Variants in ANO3 observed in about 807,000 individuals in gnomAD.
The protein encoded by ANO3 is anoctamin 3.
ANO3 carries 99 observed loss-of-function variants against 144.8 expected under a neutral mutation model. That is an observed-to-expected ratio of 0.68 (90% CI 0.58 to 0.81). The LOEUF (loss-of-function observed/expected upper bound fraction) is 0.81. Among genes scored for constraint, ANO3 ranks in the 30% least tolerant of loss-of-function variants. The pLI, the probability that ANO3 is intolerant of heterozygous loss-of-function variation, is 0.00. For synonymous variants in ANO3, 414 were observed against 392.6 expected (o/e 1.05, Z -0.64); for missense variants, 905 against 1,202.2 (o/e 0.75, Z 3.66).
At chr11:26,219,856 A>C (rs1174572835) in intron 1 of ANO3, among the ~76,000 whole-genome samples, 2 of 152,184 alleles carry the variant, frequency 1.3e-5, no homozygotes, top group African/African-American at 4.8e-5. Flanking sequence ...TCTTAAATGC[A>C]TGTGCCGCAC....
rs566934259 is a variant in ANO3, at chr11:26,529,548, AT to A, written c.738-1649del. ...TTGCTGCCTGCCCACTGCTATACTA[AT>A]TTTTTTTCTGAAGTTCAAGCAGAGT... On this transcript the variant is annotated intron_variant, in intron 7 of 26. Coordinates refer to ENST00000256737, the MANE Select transcript of ANO3 (RefSeq NM_031418.4). Among the ~76,000 whole-genome samples, 5 of 139,932 alleles carry A rather than the reference AT, an allele frequency of 3.6e-5. No homozygotes were observed. The South Asian group carries it at 1.1e-3, about 31-fold the overall frequency. The allele number at this position is 139,932 out of a possible 152,430, so 91.8% of individuals were successfully genotyped here. A position where few individuals can be genotyped will look rare whatever the true frequency, so the allele number is the denominator to read the frequency against.
chr11:26,647,915 T>C, intron 24 of ANO3, 59 bp downstream of exon 24: 1 of 1,512,430 alleles, frequency 6.6e-7, no homozygotes, highest in Non-Finnish European at 9.0e-7. Flanking sequence ...TAAAATAGGA[T>C]CTTACTGGGA....
chr11:26,333,517 C>T (rs527606579), intron 1 of ANO3, among the ~76,000 whole-genome samples: 273 of 152,200 alleles, frequency 1.8e-3, no homozygotes, highest in Non-Finnish European at 3.2e-3. Context: ...CTCCTGACCT[C>T]GTGATCCGCC....
intron 17 of ANO3, among the ~76,000 whole-genome samples, chr11:26,617,805 A>T (rs1339618768): frequency 1.3e-5 from 2 of 152,216 alleles, no homozygotes; most frequent in African/African-American, 4.8e-5. Flanking sequence ...TTAGTATAAA[A>T]TAACAATGCT....
At chr11:26,383,123 G>T (rs1169552742) in intron 1 of ANO3, among the ~76,000 whole-genome samples, 1 of 151,978 alleles carries the variant, frequency 6.6e-6, no homozygotes, top group African/African-American at 2.4e-5. Context: ...AATATGCAAA[G>T]AAATAAAGGA....
chr11:26,342,416 T>A (rs183820687), intron 1 of ANO3, among the ~76,000 whole-genome samples: 6 of 152,174 alleles, frequency 3.9e-5, no homozygotes, highest in Non-Finnish European at 8.8e-5. Flanking sequence ...TAAAGAGAAC[T>A]AGTTTGACCG....
chr11:26,197,772 C>T (rs1049576737), intron 1 of ANO3, among the ~76,000 whole-genome samples: 2 of 152,084 alleles, frequency 1.3e-5, no homozygotes, highest in South Asian at 2.1e-4. Flanking sequence ...CTTCCCCTAC[C>T]GCTTCTTTCT....
chr11:26,258,041 A>C (rs1031441969), intron 1 of ANO3, among the ~76,000 whole-genome samples: 8 of 152,140 alleles, frequency 5.3e-5, no homozygotes, highest in Non-Finnish European at 1.0e-4. Flanking sequence ...GAGTGTCTTC[A>C]ATAAAAGAGT....
chr11:26,283,209 T>C (rs866512898), intron 1 of ANO3, among the ~76,000 whole-genome samples: 4 of 150,738 alleles, frequency 2.7e-5, no homozygotes, highest in African/African-American at 7.3e-5. Context: ...TATGATGTCA[T>C]TGCATGTCAC....
intron 14 of ANO3, among the ~76,000 whole-genome samples, chr11:26,572,797 T>C (rs1381858488): frequency 1.3e-5 from 2 of 152,160 alleles, no homozygotes; most frequent in Non-Finnish European, 2.9e-5. Flanking sequence ...GGTTTCTTGC[T>C]GACTTTCAGG....
chr11:26,191,801 A>T (rs1282039981), intron 1 of ANO3, among the ~76,000 whole-genome samples: 1 of 152,124 alleles, frequency 6.6e-6, no homozygotes, highest in Non-Finnish European at 1.5e-5. Context: ...ATATGGCCAT[A>T]TCTCTGTGTA....
rs184201884 is a variant in ANO3, at chr11:26,499,080, A to G, written c.433-9024A>G. On this transcript the variant is annotated intron_variant, in intron 4 of 26. Transcript: ENST00000256737. ...TGTTTTCAGCCTTCTGCTTTTTCAG[A>G]TAATGTCACATTTCTTCTTTTATTA... Among the ~76,000 whole-genome samples the G allele has an allele frequency of 9.9e-4, 151 of 152,012 alleles. 1 individual carries two copies. Among genetic ancestry groups the G allele is most frequent in the Non-Finnish European group, 9.7e-4 (66 of 67,800 alleles).
At chr11:26,194,032 TTTAAGAACA>T (rs1851528957) in intron 1 of ANO3, among the ~76,000 whole-genome samples, 1 of 152,146 alleles carries the variant, frequency 6.6e-6, no homozygotes, top group Non-Finnish European at 1.5e-5. Flanking sequence ...TCATGGAGTA[TTTAAGAACA>T]TTAAATGATA....
At chr11:26,617,623 T>C (rs943806013) in intron 17 of ANO3, among the ~76,000 whole-genome samples, 3 of 152,190 alleles carry the variant, frequency 2.0e-5, no homozygotes, top group African/African-American at 7.2e-5. Flanking sequence ...ATTGGTCAAT[T>C]TGGCATAAAG....
chr11:26,593,019 T>G (rs1385916195), intron 14 of ANO3, among the ~76,000 whole-genome samples: 1 of 152,104 alleles, frequency 6.6e-6, no homozygotes, highest in African/African-American at 2.4e-5. Context: ...CTTCAATATC[T>G]GCTTGGTGGT....
intron 4 of ANO3, among the ~76,000 whole-genome samples, chr11:26,492,456 A>G (rs1338450735): frequency 6.6e-6 from 1 of 152,174 alleles, no homozygotes; most frequent in Non-Finnish European, 1.5e-5. Context: ...TCTCTGGGGC[A>G]GCAGTTGTTT....
At chr11:26,657,216 T>A (rs1853716595) in intron 26 of ANO3, among the ~76,000 whole-genome samples, 1 of 152,156 alleles carries the variant, frequency 6.6e-6, no homozygotes, top group Non-Finnish European at 1.5e-5. Flanking sequence ...GAACAAATAT[T>A]TTTAAAGGTA....
intron 22 of ANO3, among the ~76,000 whole-genome samples, chr11:26,642,558 G>A (rs1226892039): frequency 7.8e-6 from 1 of 127,662 alleles, no homozygotes; most frequent in African/African-American, 2.6e-5. Flanking sequence ...CACCATGTTG[G>A]CCAGGCTGGT....
chr11:26,325,641 A>G (rs941229684), intron 1 of ANO3, among the ~76,000 whole-genome samples: 1 of 152,168 alleles, frequency 6.6e-6, no homozygotes, highest in African/African-American at 2.4e-5. Flanking sequence ...TTGTCCCTTC[A>G]TTATATCACA....
Sources: allele counts gnomAD v4.1 joint callset (sites outside exome capture counted in the v4.1 genomes callset), GRCh38; gene constraint gnomAD v4.1.1; transcripts MANE v1.5; gene names NCBI Gene and HGNC (gene_info 2026-07-23, HGNC 2026-07-21).